Variants in ADGRL2 observed in about 807,000 individuals in gnomAD.
ADGRL2 encodes adhesion G protein-coupled receptor L2.
ADGRL2 carries 44 observed loss-of-function variants against 157.4 expected under a neutral mutation model. The ratio of observed to expected loss-of-function variants is 0.28; its 90% CI spans 0.22 to 0.36. ADGRL2 has a LOEUF of 0.36. Ranked by LOEUF, ADGRL2 falls within the 10% of genes least tolerant of loss-of-function variation. ADGRL2 has a pLI of 1.00. For missense variants in ADGRL2, 1,510 were observed against 1,768.9 expected (o/e 0.85, Z 2.63); for synonymous variants, 585 against 624.7 (o/e 0.94, Z 0.95).
intron 3 of ADGRL2, among the ~76,000 whole-genome samples, chr1:81,632,445 T>G (rs1305565870): frequency 6.6e-6 from 1 of 152,026 alleles, no homozygotes. Flanking sequence ...GTGTGCAGCT[T>G]GGAGTGTTTA....
At chr1:81,722,433 G>A (rs552545915) in intron 1 of ADGRL2, 1 of 1,158,560 alleles carries the variant, frequency 8.6e-7, no homozygotes, top group Non-Finnish European at 1.3e-6. Flanking sequence ...CTGAATTTGC[G>A]CTTGGCCGTT....
At chr1:81,914,955 C>T (rs1295213261) in intron 3 of ADGRL2, among the ~76,000 whole-genome samples, 1 of 152,148 alleles carries the variant, frequency 6.6e-6, no homozygotes, top group African/African-American at 2.4e-5. Flanking sequence ...ATTAAACATT[C>T]ACATTTAGTG....
At chr1:81,465,308 T>A (rs2078029800) in intron 2 of ADGRL2, among the ~76,000 whole-genome samples, 1 of 152,206 alleles carries the variant, frequency 6.6e-6, no homozygotes, top group African/African-American at 2.4e-5. Flanking sequence ...TTGTGTATTA[T>A]TTTTAGGGAA....
intron 2 of ADGRL2, among the ~76,000 whole-genome samples, chr1:81,571,519 G>A (rs948892499): frequency 1.6e-4 from 24 of 150,678 alleles, no homozygotes; most frequent in Middle Eastern, 3.4e-3. Flanking sequence ...TTGATTTCAC[G>A]TAACTAAAAT....
At chr1:81,670,295 G>A (rs1253101645) in intron 3 of ADGRL2, among the ~76,000 whole-genome samples, 1 of 152,140 alleles carries the variant, frequency 6.6e-6, no homozygotes, top group Non-Finnish European at 1.5e-5. Flanking sequence ...TTTCGTTATG[G>A]AGTGTGACTC....
intron 2 of ADGRL2, among the ~76,000 whole-genome samples, chr1:81,466,192 T>G (rs1168514778): frequency 2.0e-5 from 3 of 152,222 alleles, no homozygotes. Context: ...TGTTGTCAGG[T>G]GCAAGGGTCT....
intron 1 of ADGRL2, among the ~76,000 whole-genome samples, chr1:81,705,084 G>A (rs190644556): frequency 8.6e-5 from 13 of 151,942 alleles, no homozygotes; most frequent in South Asian, 4.2e-4. Context: ...ACAGAGTCCC[G>A]CTCTGTCGCC....
intron 2 of ADGRL2, among the ~76,000 whole-genome samples, chr1:81,452,466 G>A (rs1220857941): frequency 6.6e-6 from 1 of 152,028 alleles, no homozygotes; most frequent in Non-Finnish European, 1.5e-5. Flanking sequence ...CCAGCCCATG[G>A]CTTGTCATCA....
chr1:81,517,385 A>T (rs757132915), intron 2 of ADGRL2, among the ~76,000 whole-genome samples: 5 of 148,944 alleles, frequency 3.4e-5, no homozygotes, highest in Non-Finnish European at 7.4e-5. Flanking sequence ...GAGGTGCTTG[A>T]ACCTGGGAGG....
chr1:81,369,862 A>G lies in ADGRL2; in HGVS notation c.-302+63353A>G, dbSNP rs188340519. ...GCATTGGAATTAGGTATTTTTACTTATTTATTTTTTATTTCACTAAGCTTT... is the reference window on the plus strand; with the variant it reads ...GCATTGGAATTAGGTATTTTTACTTGTTTATTTTTTATTTCACTAAGCTTT... On this transcript the variant is annotated intron_variant, in intron 1 of 24. Coordinates refer to the ADGRL2 transcript ENST00000370721. Among the ~76,000 whole-genome samples the G allele has an allele frequency of 1.8e-3, 277 of 152,266 alleles. 1 individual carries two copies. The highest frequency in any genetic ancestry group is 6.8e-3 in the Middle Eastern group (2 of 294).
intron 3 of ADGRL2, among the ~76,000 whole-genome samples, chr1:81,657,956 T>C (rs988874561): frequency 1.3e-5 from 2 of 152,174 alleles, no homozygotes; most frequent in Non-Finnish European, 2.9e-5. Context: ...AGCATAAAAA[T>C]AAAAAGGATG....
chr1:81,988,443 T>C (rs1433971891), intron 23 of ADGRL2: 3 of 151,418 alleles, frequency 2.0e-5, no homozygotes, highest in Non-Finnish European at 2.9e-5. Context: ...CATGTGTCAC[T>C]CATACCTTTA....
intron 1 of ADGRL2, among the ~76,000 whole-genome samples, chr1:81,441,268 T>C (rs867305198): frequency 6.6e-6 from 1 of 152,312 alleles, no homozygotes; most frequent in South Asian, 2.1e-4. Flanking sequence ...TTGATAAAAT[T>C]ATTTGTTAGG....
intron 2 of ADGRL2, among the ~76,000 whole-genome samples, chr1:81,558,993 T>C (rs903537860): frequency 6.6e-6 from 1 of 152,144 alleles, no homozygotes; most frequent in African/African-American, 2.4e-5. Context: ...ATAGGTAGGA[T>C]GTTTACTAGT....
intron 3 of ADGRL2, among the ~76,000 whole-genome samples, chr1:81,682,795 A>G (rs942682361): frequency 1.3e-5 from 2 of 152,210 alleles, no homozygotes; most frequent in African/African-American, 4.8e-5. Context: ...TTAACCTGGT[A>G]TACAGGTTTG....
intron 1 of ADGRL2, among the ~76,000 whole-genome samples, chr1:81,711,919 G>T (rs2083942879): frequency 6.6e-6 from 1 of 152,152 alleles, no homozygotes; most frequent in Non-Finnish European, 1.5e-5. Context: ...TCAGTGGTTT[G>T]TAATAAGTAC....
At chr1:81,927,550 T>C (rs1383560216) in intron 3 of ADGRL2, among the ~76,000 whole-genome samples, 1 of 151,998 alleles carries the variant, frequency 6.6e-6, no homozygotes, top group Non-Finnish European at 1.5e-5. Context: ...TCATGCATAT[T>C]ATGCTAGAGA....
At chr1:81,603,403 A>G (rs1047145831) in intron 3 of ADGRL2, among the ~76,000 whole-genome samples, 6 of 152,360 alleles carry the variant, frequency 3.9e-5, no homozygotes, top group African/African-American at 1.4e-4. Context: ...ACTACAACAC[A>G]TAATTACTTA....
At chr1:81,484,846 G>A (rs535756396) in intron 2 of ADGRL2, among the ~76,000 whole-genome samples, 2 of 151,902 alleles carry the variant, frequency 1.3e-5, no homozygotes, top group African/African-American at 4.8e-5. Flanking sequence ...CATACCTCAG[G>A]TACCCTTCCC....
Sources: gnomAD v4.1 joint callset for allele counts (sites outside exome capture counted in the v4.1 genomes callset) on GRCh38, gnomAD v4.1.1 for gene constraint, MANE v1.5 for transcripts, NCBI Gene and HGNC (gene_info 2026-07-23, HGNC 2026-07-21) for gene names.